Variants in ROBO2 observed in about 807,000 individuals in gnomAD.
The protein encoded by ROBO2 is roundabout guidance receptor 2.
Under a neutral mutation model 160.8 loss-of-function variants are expected in ROBO2, and 53 were observed. The observed-to-expected ratio is 0.33, with a 90% CI of 0.26 to 0.41. The LOEUF (loss-of-function observed/expected upper bound fraction) is 0.41, where lower values mean the gene tolerates loss of function less well. Ranked by LOEUF, ROBO2 falls within the 10% of genes least tolerant of loss-of-function variation. ROBO2 has a pLI of 1.00. For missense variants in ROBO2, 1,577 were observed against 1,722.4 expected (o/e 0.92, Z 1.49); for synonymous variants, 664 against 611.7 (o/e 1.09, Z -1.26).
At chr3:76,256,232 C>T (rs1403074700) in intron 2 of ROBO2, among the ~76,000 whole-genome samples, 1 of 151,536 alleles carries the variant, frequency 6.6e-6, no homozygotes, top group Non-Finnish European at 1.5e-5. Flanking sequence ...ATTCCTTGAG[C>T]TCAGGAAGTC....
chr3:76,288,019 C>G (rs1319904438), intron 2 of ROBO2, among the ~76,000 whole-genome samples: 1 of 152,086 alleles, frequency 6.6e-6, no homozygotes, highest in Non-Finnish European at 1.5e-5. Context: ...GAAATCTGTT[C>G]TACTGAAAAT....
At chr3:76,921,392 G>A (rs977933790) in intron 2 of ROBO2, among the ~76,000 whole-genome samples, 3 of 151,962 alleles carry the variant, frequency 2.0e-5, no homozygotes, top group Admixed American at 6.6e-5. Context: ...CAGACGGATC[G>A]CTTGAGGTCA....
chr3:77,388,143 C>T (rs1581563372), intron 2 of ROBO2, among the ~76,000 whole-genome samples: 1 of 52,980 alleles, frequency 1.9e-5, no homozygotes, highest in Non-Finnish European at 3.5e-5. Context: ...TTCACACATA[C>T]ACACACACAC....
At chr3:76,959,217 G>A (rs1224774335) in intron 2 of ROBO2, among the ~76,000 whole-genome samples, 1 of 152,090 alleles carries the variant, frequency 6.6e-6, no homozygotes, top group Non-Finnish European at 1.5e-5. Flanking sequence ...TAAGCATTAT[G>A]TCAACATCAA....
At chr3:76,932,788 A>T (rs1029475644) in intron 2 of ROBO2, among the ~76,000 whole-genome samples, 17 of 152,330 alleles carry the variant, frequency 1.1e-4, no homozygotes, top group South Asian at 4.1e-4. Flanking sequence ...CATAAAACTG[A>T]GACGCAAGCA....
chr3:77,038,036 G>T (rs2149590605), upstream of ROBO2, among the ~76,000 whole-genome samples: 1 of 152,290 alleles, frequency 6.6e-6, no homozygotes, highest in East Asian at 1.9e-4. Context: ...TAAAATGAAA[G>T]TTTTCAAGAA....
chr3:77,261,980 T>A (rs2153337076), intron 2 of ROBO2, among the ~76,000 whole-genome samples: 2 of 152,244 alleles, frequency 1.3e-5, no homozygotes, highest in African/African-American at 4.8e-5. Context: ...CTTTCAGCAC[T>A]CTGAAGTATC....
chr3:77,410,046 A>C (rs1348713087), intron 2 of ROBO2, among the ~76,000 whole-genome samples: 1 of 152,230 alleles, frequency 6.6e-6, no homozygotes, highest in Admixed American at 6.5e-5. Context: ...CTAAGTGATC[A>C]GTAAATTGCA....
intron 2 of ROBO2, among the ~76,000 whole-genome samples, chr3:77,463,154 A>G (rs1029942984): frequency 2.0e-5 from 3 of 152,184 alleles, no homozygotes; most frequent in Non-Finnish European, 2.9e-5. Context: ...TGTGCAGTAC[A>G]TACTTGAATT....
intron 2 of ROBO2, among the ~76,000 whole-genome samples, chr3:76,801,499 T>C (rs1458842399): frequency 1.3e-5 from 2 of 152,070 alleles, no homozygotes; most frequent in East Asian, 3.9e-4. Context: ...TATTAAACAT[T>C]GTATGCCTGT....
chr3:75,986,738 G>A (rs2065425804), intron 2 of ROBO2, among the ~76,000 whole-genome samples: 1 of 151,342 alleles, frequency 6.6e-6, no homozygotes, highest in Non-Finnish European at 1.5e-5. Context: ...TGTTATACGA[G>A]GGTCCAACTT....
intron 2 of ROBO2, among the ~76,000 whole-genome samples, chr3:76,568,457 C>G (rs1167257518): frequency 4.9e-5 from 4 of 80,946 alleles, no homozygotes; most frequent in Non-Finnish European, 7.5e-5. Flanking sequence ...CCACCACGCC[C>G]AGATAATTTT....
At chr3:75,917,000 CACAT>C (rs1221873009) in intron 1 of ROBO2, among the ~76,000 whole-genome samples, 1 of 152,082 alleles carries the variant, frequency 6.6e-6, no homozygotes, top group Admixed American at 6.6e-5. Flanking sequence ...TATACACACA[CACAT>C]ACACATATTG....
At chr3:76,809,869 T>C (rs1445049647) in intron 2 of ROBO2, among the ~76,000 whole-genome samples, 1 of 151,716 alleles carries the variant, frequency 6.6e-6, no homozygotes. Context: ...AATGGCAGAA[T>C]ACAAAATTGA....
chr3:77,087,867 G>GAC (rs1016729709), intron 1 of ROBO2, among the ~76,000 whole-genome samples: 1 of 151,600 alleles, frequency 6.6e-6, no homozygotes, highest in East Asian at 1.9e-4. Context: ...CATATATAAA[G>GAC]ACACACACAC....
chr3:75,964,117 G>C (rs1949022104), intron 2 of ROBO2, among the ~76,000 whole-genome samples: 1 of 151,670 alleles, frequency 6.6e-6, no homozygotes, highest in Admixed American at 6.6e-5. Context: ...TTGTTAATAG[G>C]AAGCAATTTT....
chr3:76,664,918 AG>A (rs1378757946), intron 2 of ROBO2, among the ~76,000 whole-genome samples: 1 of 152,236 alleles, frequency 6.6e-6, no homozygotes, highest in Non-Finnish European at 1.5e-5. Flanking sequence ...AAGGAGAACC[AG>A]GAGACAGTAC....
rs144354293 is a variant in ROBO2, at chr3:76,961,473, G to A, written c.110-136541G>A. ...AACCATAAGCTTACAAATTAACAAA[G>A]CACGCTCATGTGTTTCTCCCCACAT... is the stretch of plus-strand genomic sequence containing the variant. On this transcript the variant is annotated intron_variant, in intron 2 of 26. Coordinates refer to the ROBO2 transcript ENST00000487694. Among the ~76,000 whole-genome samples, 12 of 151,910 alleles carry A rather than the reference G, an allele frequency of 7.9e-5. No individual in the cohort carries two copies. The East Asian group carries it at 1.6e-3, about 20-fold the overall frequency.
chr3:77,578,210 T>C (rs1461575200), intron 15 of ROBO2, among the ~76,000 whole-genome samples: 1 of 152,158 alleles, frequency 6.6e-6, no homozygotes, highest in Admixed American at 6.6e-5. Context: ...TAGAAACATA[T>C]GTATCTATTG....
Sources: allele counts gnomAD v4.1 joint callset (sites outside exome capture counted in the v4.1 genomes callset), GRCh38; gene constraint gnomAD v4.1.1; transcripts MANE v1.5; gene names NCBI Gene and HGNC (gene_info 2026-07-23, HGNC 2026-07-21).